The following PTPRM variants were observed in gnomAD, a reference collection of about 807,000 sequenced individuals.
PTPRM encodes the protein receptor-type tyrosine-protein phosphatase mu.
In PTPRM, 47 loss-of-function variants were observed where a neutral mutation model predicts 186.7. The ratio of observed to expected loss-of-function variants is 0.25; its 90% CI spans 0.20 to 0.32. The LOEUF (loss-of-function observed/expected upper bound fraction) is 0.32. Ranked by LOEUF, PTPRM falls within the 10% of genes least tolerant of loss-of-function variation. PTPRM has a pLI of 1.00. For synonymous variants in PTPRM, 668 were observed against 674.9 expected, an observed-to-expected ratio of 0.99 and a Z score of 0.16; for missense variants, 1,494 against 1,865.0, an observed-to-expected ratio of 0.80 and a Z score of 3.66.
chr18:8,311,919 C>G (rs2095271604), intron 20 of PTPRM, among the ~76,000 whole-genome samples: 1 of 152,160 alleles, frequency 6.6e-6, no homozygotes, highest in Non-Finnish European at 1.5e-5. Flanking sequence ...ATGAGCAGCA[C>G]TCATCCTGAG....
At chr18:8,128,961 T>C (rs1011864973) in intron 13 of PTPRM, among the ~76,000 whole-genome samples, 1 of 152,166 alleles carries the variant, frequency 6.6e-6, no homozygotes, top group Non-Finnish European at 1.5e-5. Context: ...GCATAGAGCT[T>C]TCTGGCTTGA....
chr18:8,321,599 A>C (rs1436256457), intron 22 of PTPRM, among the ~76,000 whole-genome samples: 1 of 152,198 alleles, frequency 6.6e-6, no homozygotes, highest in African/African-American at 2.4e-5. Context: ...ATCAGTTTGC[A>C]GTAGACAATC....
chr18:8,115,281 G>A (rs904229403), intron 13 of PTPRM, among the ~76,000 whole-genome samples: 72 of 152,218 alleles, frequency 4.7e-4, no homozygotes, highest in South Asian at 2.9e-3. Context: ...TTTTTCACTG[G>A]TGGTGCGTGT....
chr18:7,817,283 G>A (rs1336383586), intron 2 of PTPRM, among the ~76,000 whole-genome samples: 1 of 152,112 alleles, frequency 6.6e-6, no homozygotes, highest in African/African-American at 2.4e-5. Context: ...CCTTTTTCTA[G>A]TTAGTTTATT....
At chr18:8,033,631 T>C (rs139358741) in intron 7 of PTPRM, among the ~76,000 whole-genome samples, 1 of 152,336 alleles carries the variant, frequency 6.6e-6, no homozygotes, top group African/African-American at 2.4e-5. Context: ...TATTGTAATC[T>C]TATGGGACCA....
chr18:8,013,079 A>G (rs991028265), intron 7 of PTPRM, among the ~76,000 whole-genome samples: 4 of 152,198 alleles, frequency 2.6e-5, no homozygotes, highest in African/African-American at 9.6e-5. Flanking sequence ...TAAGTCCCCT[A>G]TCTTGGTATA....
intron 1 of PTPRM, among the ~76,000 whole-genome samples, chr18:7,748,349 T>A (rs911463077): frequency 6.6e-6 from 1 of 152,200 alleles, no homozygotes; most frequent in East Asian, 1.9e-4. Context: ...GTGGGGTAAA[T>A]GTGGAAGTGC....
chr18:7,842,439 G>A (rs1386125976), intron 2 of PTPRM, among the ~76,000 whole-genome samples: 1 of 152,164 alleles, frequency 6.6e-6, no homozygotes, highest in Non-Finnish European at 1.5e-5. Context: ...TGTCCACTTG[G>A]CCAGGTAGTG....
At chr18:8,102,243 G>A (rs897400352) in intron 11 of PTPRM, among the ~76,000 whole-genome samples, 2 of 152,198 alleles carry the variant, frequency 1.3e-5, no homozygotes, top group Non-Finnish European at 2.9e-5. Context: ...GGTAGTTTCT[G>A]AAGGTTTGGG....
At chr18:8,037,445 G>C (rs1298881963) in intron 7 of PTPRM, among the ~76,000 whole-genome samples, 4 of 151,992 alleles carry the variant, frequency 2.6e-5, no homozygotes, top group Admixed American at 6.6e-5. Context: ...ACAGTATACT[G>C]TCCTCCTTCT....
intron 7 of PTPRM, among the ~76,000 whole-genome samples, chr18:7,992,666 C>T (rs1442241640): frequency 6.6e-6 from 1 of 152,068 alleles, no homozygotes; most frequent in African/African-American, 2.4e-5. Flanking sequence ...TTGATAGGTT[C>T]TGGGAAACTA....
chr18:8,157,071 G>A (rs1047326807), intron 14 of PTPRM, among the ~76,000 whole-genome samples: 3 of 152,112 alleles, frequency 2.0e-5, no homozygotes, highest in African/African-American at 7.2e-5. Context: ...GGGGTCTTCC[G>A]TGGTGAAAGT....
chr18:8,153,549 A>G (rs1270867264), intron 14 of PTPRM, among the ~76,000 whole-genome samples: 3 of 152,198 alleles, frequency 2.0e-5, no homozygotes, highest in Non-Finnish European at 2.9e-5. Flanking sequence ...AAAATAGAGT[A>G]TATTCTCTGT....
At chr18:8,171,239 G>A (rs1272537335) in intron 14 of PTPRM, among the ~76,000 whole-genome samples, 1 of 152,140 alleles carries the variant, frequency 6.6e-6, no homozygotes, top group African/African-American at 2.4e-5. Context: ...GCTTATAAAG[G>A]TTATGCTTCT....
chr18:8,028,717 C>T (rs2085738243), intron 7 of PTPRM, among the ~76,000 whole-genome samples: 1 of 152,154 alleles, frequency 6.6e-6, no homozygotes, highest in Non-Finnish European at 1.5e-5. Context: ...GGTCATTGTA[C>T]TAGTCTGGGT....
At chr18:8,025,889 C>T (rs545303811) in intron 7 of PTPRM, among the ~76,000 whole-genome samples, 1 of 152,270 alleles carries the variant, frequency 6.6e-6, no homozygotes, top group South Asian at 2.1e-4. Flanking sequence ...CTGAGAACTT[C>T]AGTTATGTGT....
chr18:8,356,041 A>G (rs2095561672), intron 23 of PTPRM, among the ~76,000 whole-genome samples: 1 of 152,200 alleles, frequency 6.6e-6, no homozygotes, highest in Non-Finnish European at 1.5e-5. Context: ...GGAAGAAGTA[A>G]TTCCCCAAAA....
intron 21 of PTPRM, among the ~76,000 whole-genome samples, chr18:8,318,950 A>T (rs2095328387): frequency 1.3e-5 from 2 of 152,248 alleles, no homozygotes; most frequent in African/African-American, 2.4e-5. Flanking sequence ...TCTCATAGCC[A>T]GTTATGATTA....
At chr18:8,331,100 ACC>A (rs2095409983) in intron 22 of PTPRM, among the ~76,000 whole-genome samples, 1 of 16,508 alleles carries the variant, frequency 6.1e-5, no homozygotes, top group African/African-American at 7.3e-5. Context: ...AATAATAGAA[ACC>A]TTTTTGCATT....
Sources: gnomAD v4.1 joint callset for allele counts (sites outside exome capture counted in the v4.1 genomes callset) on GRCh38, gnomAD v4.1.1 for gene constraint, MANE v1.5 for transcripts, NCBI Gene and HGNC (gene_info 2026-07-23, HGNC 2026-07-21) for gene names.